Variants in EYA4 observed in about 807,000 individuals in gnomAD.
The protein encoded by EYA4 is EYA transcriptional coactivator and phosphatase 4.
Under a neutral mutation model 87.9 loss-of-function variants are expected in EYA4, and 31 were observed. The observed-to-expected ratio is 0.35, with a 90% CI of 0.27 to 0.48. The LOEUF is 0.48. Among genes scored for constraint, EYA4 ranks in the 20% least tolerant of loss-of-function variants. The pLI is 0.99. For missense variants in EYA4, 678 were observed against 761.4 expected (o/e 0.89, Z 1.29); for synonymous variants, 263 against 270.6 (o/e 0.97, Z 0.28).
chr6:133,377,873 G>A (rs867290092), intron 2 of EYA4, among the ~76,000 whole-genome samples: 32 of 151,982 alleles, frequency 2.1e-4, no homozygotes, highest in Middle Eastern at 3.4e-3. Context: ...AAGGTGGGTC[G>A]TTCCCAGAAA....
chr6:133,309,381 G>C (rs1222825641), intron 2 of EYA4, among the ~76,000 whole-genome samples: 2 of 152,132 alleles, frequency 1.3e-5, no homozygotes, highest in Non-Finnish European at 2.9e-5. Context: ...CAGAAGTACA[G>C]TAATGATTCT....
At chr6:133,472,899 A>G (rs212779) in intron 11 of EYA4, among the ~76,000 whole-genome samples, 1 of 148,912 alleles carries the variant, frequency 6.7e-6, no homozygotes, top group East Asian at 2.0e-4. Context: ...CTGTTTTATC[A>G]GAGACTAGGA....
intron 3 of EYA4, among the ~76,000 whole-genome samples, chr6:133,397,601 T>C (rs879862412): frequency 6.6e-6 from 1 of 152,220 alleles, no homozygotes; most frequent in Admixed American, 6.5e-5. Flanking sequence ...TAAACAGGGT[T>C]TGGAAAATAT....
intron 3 of EYA4, among the ~76,000 whole-genome samples, chr6:133,400,795 G>C (rs62429386): frequency 0.069 from 10,504 of 151,996 alleles, 538 homozygotes; most frequent in Non-Finnish European, 0.11. Context: ...CTGAAGTTGG[G>C]ACCTGCTTTT....
chr6:133,342,597 A>AT (rs1261697346), intron 2 of EYA4, among the ~76,000 whole-genome samples: 8 of 128,720 alleles, frequency 6.2e-5, no homozygotes, highest in Middle Eastern at 4.1e-3. Context: ...ATATATATAT[A>AT]TATATATAAT....
At chr6:133,285,544 A>G (rs551782871) in intron 2 of EYA4, among the ~76,000 whole-genome samples, 9 of 152,318 alleles carry the variant, frequency 5.9e-5, no homozygotes, top group Admixed American at 4.6e-4. Flanking sequence ...TTTCCAGACC[A>G]TTGTAAAGCT....
intron 13 of EYA4, among the ~76,000 whole-genome samples, chr6:133,501,582 T>A (rs1158277459): frequency 1.3e-5 from 2 of 152,184 alleles, no homozygotes; most frequent in Non-Finnish European, 2.9e-5. Context: ...AGAGTATATG[T>A]ATTCTAAAAA....
At chr6:133,478,115 G>A (rs59342392) in intron 11 of EYA4, among the ~76,000 whole-genome samples, 13,981 of 152,030 alleles carry the variant, frequency 0.092, 1,278 homozygotes, top group African/African-American at 0.22. Flanking sequence ...TATTGACAAG[G>A]ATGTGGAACA....
chr6:133,348,800 C>T (rs996085300), intron 2 of EYA4, among the ~76,000 whole-genome samples: 3 of 152,126 alleles, frequency 2.0e-5, no homozygotes, highest in Non-Finnish European at 4.4e-5. Context: ...ATCTCCATCT[C>T]GGTGATTGCA....
chr6:133,503,824 C>T (rs1433107038), intron 13 of EYA4, among the ~76,000 whole-genome samples: 2 of 151,832 alleles, frequency 1.3e-5, no homozygotes, highest in Non-Finnish European at 2.9e-5. Context: ...ACATGATCAA[C>T]AAAATGAAGA....
At chr6:133,509,771 G>C (rs187850563) in intron 14 of EYA4, among the ~76,000 whole-genome samples, 224 of 152,272 alleles carry the variant, frequency 1.5e-3, no homozygotes, top group Middle Eastern at 6.8e-3. Context: ...TTTAAAGTTA[G>C]TTCTAGAATA....
At chr6:133,490,402 A>AAC (rs397689166) in intron 13 of EYA4, among the ~76,000 whole-genome samples, 2 of 151,878 alleles carry the variant, frequency 1.3e-5, no homozygotes, top group African/African-American at 4.8e-5. Flanking sequence ...ACAAAAAAAA[A>AAC]CAAAAAACCG....
chr6:133,401,265 AT>A (rs1788236109), intron 3 of EYA4, among the ~76,000 whole-genome samples: 1 of 152,142 alleles, frequency 6.6e-6, no homozygotes, highest in Admixed American at 6.5e-5. Context: ...GGAAGGAGGG[AT>A]CCAAAGATTT....
At chr6:133,441,380 T>C (rs754002726) in intron 3 of EYA4, among the ~76,000 whole-genome samples, 5 of 152,238 alleles carry the variant, frequency 3.3e-5, no homozygotes, top group Non-Finnish European at 7.3e-5. Flanking sequence ...TACATACTGT[T>C]ATAAATAAAG....
chr6:133,391,222 G>GT (rs531819011), intron 3 of EYA4, among the ~76,000 whole-genome samples: 4,714 of 89,754 alleles, frequency 0.053, 340 homozygotes, highest in African/African-American at 0.14. Flanking sequence ...TTTTGTTTTT[G>GT]TTTTTTTTTT....
chr6:133,409,876 A>G (rs754179782), intron 3 of EYA4, among the ~76,000 whole-genome samples: 11 of 152,284 alleles, frequency 7.2e-5, no homozygotes, highest in Non-Finnish European at 1.3e-4. Context: ...GAAAGAAATG[A>G]TATGTTGATT....
At chr6:133,481,046 G>GGTGGAAGGGAAGATGGGAGAGGTGGAA (rs1348472124) in intron 11 of EYA4, among the ~76,000 whole-genome samples, 9 of 152,006 alleles carry the variant, frequency 5.9e-5, no homozygotes, top group East Asian at 1.9e-4. Context: ...AGATGAGAGA[G>GGTGGAAGGGAAGATGGGAGAGGTGGAA]GGTTTGACTA....
chr6:133,392,589 C>T (rs1007662394), intron 3 of EYA4, among the ~76,000 whole-genome samples: 5 of 152,060 alleles, frequency 3.3e-5, no homozygotes, highest in Admixed American at 6.5e-5. Context: ...TATTTTGGGG[C>T]GGCATTACAC....
intron 3 of EYA4, among the ~76,000 whole-genome samples, chr6:133,414,719 T>G (rs1789555155): frequency 6.6e-6 from 1 of 152,222 alleles, no homozygotes; most frequent in Non-Finnish European, 1.5e-5. Context: ...GAGCACTGTC[T>G]CATGCTGCCT....
Sources: gnomAD v4.1 joint callset for allele counts (sites outside exome capture counted in the v4.1 genomes callset) on GRCh38, gnomAD v4.1.1 for gene constraint, MANE v1.5 for transcripts, NCBI Gene and HGNC (gene_info 2026-07-23, HGNC 2026-07-21) for gene names.